Variants in SGCZ observed in about 807,000 individuals in gnomAD.
SGCZ encodes the protein zeta-sarcoglycan.
A neutral mutation model predicts 41.3 loss-of-function variants in SGCZ; 40 were observed. The observed-to-expected ratio is 0.97, with a 90% CI of 0.75 to 1.26. The LOEUF (loss-of-function observed/expected upper bound fraction) is 1.26. Ranked by LOEUF, SGCZ falls within the 50% of genes most tolerant of loss-of-function variation. The pLI is 0.00. For synonymous variants in SGCZ, 206 were observed against 137.5 expected, an observed-to-expected ratio of 1.50 and a Z score of -3.49; for missense variants, 552 against 369.8, an observed-to-expected ratio of 1.49 and a Z score of -4.04.
At chr8:15,153,318 T>A (rs1379686287) in intron 1 of SGCZ, among the ~76,000 whole-genome samples, 1 of 152,190 alleles carries the variant, frequency 6.6e-6, no homozygotes, top group East Asian at 1.9e-4. Flanking sequence ...GCCTAACATA[T>A]ATACTGAAGT....
intron 4 of SGCZ, among the ~76,000 whole-genome samples, chr8:14,203,820 T>C (rs1171988366): frequency 6.6e-6 from 1 of 152,148 alleles, no homozygotes; most frequent in African/African-American, 2.4e-5. Context: ...TAGGGGCATG[T>C]AAATCAGACA....
chr8:14,381,008 T>G (rs1263429178), intron 2 of SGCZ, among the ~76,000 whole-genome samples: 1 of 152,234 alleles, frequency 6.6e-6, no homozygotes. Context: ...TTCCTGCACA[T>G]ACAGTTATTT....
intron 1 of SGCZ, among the ~76,000 whole-genome samples, chr8:14,630,323 G>A (rs533901856): frequency 6.6e-6 from 1 of 151,982 alleles, no homozygotes; most frequent in East Asian, 1.9e-4. Context: ...GCTGTTCTAA[G>A]AGAGAGGCTT....
chr8:14,726,381 A>G lies in SGCZ; in HGVS notation c.40-171455T>C, dbSNP rs141965007. ...TTTTAAAATTTCAGTTACATGACAGACAAATTATTTAAAAGTTACACAGGA... is the reference window on the plus strand; with the variant it reads ...TTTTAAAATTTCAGTTACATGACAGGCAAATTATTTAAAAGTTACACAGGA... On this transcript the variant is annotated intron_variant, in intron 1 of 7. Transcript: ENST00000382080. 5.1e-3 allele frequency among the ~76,000 whole-genome samples: 743 copies of G among 146,902 alleles called. 3 individuals are homozygous for G. The highest frequency in any genetic ancestry group is 0.02 in the East Asian group (103 of 5,096).
rs1421785151 is a variant in SGCZ at position 14,086,569 on chromosome 8, A to G, written c.*3874T>C. On this transcript the variant is annotated 3_prime_UTR_variant, in exon 8 of 8. Coordinates refer to ENST00000382080, the MANE Select transcript of SGCZ (RefSeq NM_139167.4). ...TTAGCTTTATGGAGGTAATAATCACAGAATGTTCATATTTGGTTAATATTT... is the reference window on the plus strand; with the variant it reads ...TTAGCTTTATGGAGGTAATAATCACGGAATGTTCATATTTGGTTAATATTT... Among the ~76,000 whole-genome samples, 5 of 151,712 alleles carry G rather than the reference A, an allele frequency of 3.3e-5. No individual in the cohort carries two copies. In the South Asian group the frequency reaches 1.0e-3, roughly 31 times the overall value.
intron 1 of SGCZ, among the ~76,000 whole-genome samples, chr8:14,870,999 G>A (rs1804129280): frequency 6.6e-6 from 1 of 151,982 alleles, no homozygotes; most frequent in Non-Finnish European, 1.5e-5. Flanking sequence ...CCTGAAGTGA[G>A]GAATTTGAGA....
chr8:14,365,837 C>T (rs999979842), intron 2 of SGCZ, among the ~76,000 whole-genome samples: 1 of 151,830 alleles, frequency 6.6e-6, no homozygotes, highest in Non-Finnish European at 1.5e-5. Context: ...ATATTATCAC[C>T]TTTTCTCTGT....
At chr8:14,515,996 T>C (rs547178332) in intron 2 of SGCZ, among the ~76,000 whole-genome samples, 2 of 125,418 alleles carry the variant, frequency 1.6e-5, no homozygotes, top group East Asian at 5.3e-4. Context: ...GAAGAAATAG[T>C]TTTTTTTTAA....
intron 3 of SGCZ, among the ~76,000 whole-genome samples, chr8:14,310,612 G>A (rs1025176031): frequency 2.0e-5 from 3 of 152,038 alleles, no homozygotes; most frequent in Non-Finnish European, 4.4e-5. Flanking sequence ...ATGGCTCAAG[G>A]AGTAAAGCAG....
At chr8:14,435,884 A>G (rs1038335065) in intron 2 of SGCZ, among the ~76,000 whole-genome samples, 6 of 152,230 alleles carry the variant, frequency 3.9e-5, no homozygotes, top group African/African-American at 1.4e-4. Flanking sequence ...TGTTATAAAT[A>G]TGTATCCTGT....
chr8:14,279,709 C>T (rs1800355327), intron 3 of SGCZ, among the ~76,000 whole-genome samples: 1 of 151,978 alleles, frequency 6.6e-6, no homozygotes, highest in South Asian at 2.1e-4. Context: ...AAATAGACTA[C>T]ACATGAAAGC....
At chr8:14,822,059 A>G (rs1802110464) in intron 1 of SGCZ, among the ~76,000 whole-genome samples, 2 of 146,396 alleles carry the variant, frequency 1.4e-5, no homozygotes, top group Non-Finnish European at 3.0e-5. Context: ...TTAAATATAA[A>G]AAACCCTAAA....
chr8:14,300,618 G>C (rs1482469002), intron 3 of SGCZ, among the ~76,000 whole-genome samples: 3 of 151,982 alleles, frequency 2.0e-5, no homozygotes, highest in African/African-American at 7.2e-5. Context: ...TTAAACTTGG[G>C]AGTGCCTCAC....
rs1364042363 is a variant in SGCZ, at chr8:14,359,933, T to C, written c.235-35729A>G. On this transcript the variant is annotated intron_variant, in intron 2 of 7. Coordinates refer to ENST00000382080, the MANE Select transcript of SGCZ (RefSeq NM_139167.4). ...TCATTCATCATGACCCATTGGGATT[T>C]ATCTCACGGATGTAAGCATGGTTCA... Among the ~76,000 whole-genome samples, 4 of 152,292 alleles carry C rather than the reference T, an allele frequency of 2.6e-5. No individual in the cohort carries two copies. The East Asian group carries it at 7.7e-4, about 29-fold the overall frequency.
At chr8:14,131,434 T>C (rs1448827904) in intron 5 of SGCZ, among the ~76,000 whole-genome samples, 4 of 152,202 alleles carry the variant, frequency 2.6e-5, no homozygotes, top group African/African-American at 9.7e-5. Flanking sequence ...CCATAGAACT[T>C]TTAGCAATTT....
chr8:14,890,149 G>A (rs1002525401), intron 1 of SGCZ, among the ~76,000 whole-genome samples: 10 of 151,796 alleles, frequency 6.6e-5, no homozygotes, highest in East Asian at 1.9e-4. Context: ...CGTGGGAGGC[G>A]GAAGTTGCAG....
intron 4 of SGCZ, among the ~76,000 whole-genome samples, chr8:14,181,536 C>G (rs1430460394): frequency 6.6e-6 from 1 of 152,166 alleles, no homozygotes; most frequent in African/African-American, 2.4e-5. Flanking sequence ...GTGTCCCCAC[C>G]CAAATCTCAC....
intron 1 of SGCZ, among the ~76,000 whole-genome samples, chr8:14,994,242 A>G (rs548360442): frequency 3.9e-5 from 6 of 152,308 alleles, no homozygotes; most frequent in African/African-American, 1.4e-4. Flanking sequence ...CTTCATATGT[A>G]TCTCAATTAC....
At chr8:15,039,836 T>G (rs1342253602) in intron 1 of SGCZ, among the ~76,000 whole-genome samples, 1 of 152,208 alleles carries the variant, frequency 6.6e-6, no homozygotes, top group African/African-American at 2.4e-5. Context: ...CGTATGTGTA[T>G]TGCACGTTAT....
Sources: gnomAD v4.1 joint callset for allele counts (sites outside exome capture counted in the v4.1 genomes callset) on GRCh38, gnomAD v4.1.1 for gene constraint, MANE v1.5 for transcripts, NCBI Gene and HGNC (gene_info 2026-07-23, HGNC 2026-07-21) for gene names.